The following PAPPA2 variants were observed in gnomAD, a reference collection of about 807,000 sequenced individuals.
PAPPA2 encodes pappalysin-2.
PAPPA2 carries 86 observed loss-of-function variants against 176.4 expected under a neutral mutation model. The ratio of observed to expected loss-of-function variants is 0.49; its 90% confidence interval spans 0.41 to 0.58. The LOEUF is 0.58. PAPPA2 is among the 20% of genes least tolerant of loss of function. The pLI, the probability that PAPPA2 is intolerant of heterozygous loss-of-function variation, is 0.00. For synonymous variants in PAPPA2, 809 were observed against 852.2 expected (o/e 0.95, Z 0.88); for missense variants, 2,073 against 2,256.9 (o/e 0.92, Z 1.65).
intron 2 of PAPPA2, among the ~76,000 whole-genome samples, chr1:176,572,915 G>C (rs572491476): frequency 1.2e-4 from 18 of 152,300 alleles, no homozygotes; most frequent in African/African-American, 4.1e-4. Context: ...TCTAAGGGTA[G>C]TATTAATTCT....
intron 17 of PAPPA2, among the ~76,000 whole-genome samples, chr1:176,782,743 A>G (rs1222580165): frequency 6.6e-6 from 1 of 152,190 alleles, no homozygotes; most frequent in East Asian, 1.9e-4. Context: ...TTCATTTTTC[A>G]TCCTAACAGA....
chr1:176,531,972 C>T (rs922227338), intron 1 of PAPPA2, among the ~76,000 whole-genome samples: 3 of 152,150 alleles, frequency 2.0e-5, no homozygotes, highest in African/African-American at 7.2e-5. Flanking sequence ...TAAGGGCTGC[C>T]TGGGGCTCAA....
At position 176,690,322 on chromosome 1, in the gene PAPPA2, G is replaced by T; in HGVS notation, c.2323G>T (p.Ala775Ser). 1 of 1,614,102 alleles carries T rather than the reference G, an allele frequency of 6.2e-7. No individual in the cohort carries two copies. The highest frequency in any genetic ancestry group is 1.1e-5 in the South Asian group (1 of 91,070). The change falls in exon 5 of 23, where the codon GCC (alanine) becomes TCC (serine). Residue 775 changes from alanine to serine, a missense_variant. Ala to Ser is a moderately conservative substitution (Grantham distance 99, BLOSUM62 1). Transcript: ENST00000367662. Reference sequence around the variant, plus strand: ...AACGGGAGACCTCTGTGCCGACACCGCCCCCACTCCCAAGAGTGAGCTGTG... The same window carrying T: ...AACGGGAGACCTCTGTGCCGACACCTCCCCCACTCCCAAGAGTGAGCTGTG... ...METGDLCADT[A>S]PTPKSELCRE...
In PAPPA2 at chr1:176,516,789, T is replaced by C. The variant is rs116785510; in HGVS notation, c.-916-38618T>C. Reference sequence around the variant, plus strand: ...AATTATCCAGTCTGTAGTAATTTGTTGGACCAGTGGGAATGCACTAAGACA... The same window carrying C: ...AATTATCCAGTCTGTAGTAATTTGTCGGACCAGTGGGAATGCACTAAGACA... On this transcript the variant is annotated intron_variant, in intron 1 of 22. Transcript: ENST00000367662. 4.4e-3 allele frequency among the ~76,000 whole-genome samples: 671 copies of C among 152,324 alleles called. 4 individuals carry two copies. Among genetic ancestry groups the C allele is most frequent in the African/African-American group, 0.015 (628 of 41,578 alleles).
chr1:176,471,449 A>G (rs1651867871), intron 1 of PAPPA2, among the ~76,000 whole-genome samples: 1 of 152,206 alleles, frequency 6.6e-6, no homozygotes, highest in Non-Finnish European at 1.5e-5. Context: ...TAAAACACAA[A>G]TATAGAAAAC....
chr1:176,575,845 T>C (rs1652610985), intron 2 of PAPPA2, among the ~76,000 whole-genome samples: 1 of 152,236 alleles, frequency 6.6e-6, no homozygotes, highest in South Asian at 2.1e-4. Flanking sequence ...CTTAGGAAAT[T>C]AACACCTATT....
intron 1 of PAPPA2, among the ~76,000 whole-genome samples, chr1:176,532,256 C>T (rs1649855357): frequency 6.6e-6 from 1 of 152,152 alleles, no homozygotes; most frequent in Admixed American, 6.5e-5. Flanking sequence ...AAGAGGTAAG[C>T]TTTTATGCCT....
At chr1:176,671,576 G>A (rs190587665) in intron 4 of PAPPA2, among the ~76,000 whole-genome samples, 128 of 152,220 alleles carry the variant, frequency 8.4e-4, no homozygotes, top group Non-Finnish European at 5.9e-5. Flanking sequence ...CCGGGGAAAA[G>A]AGTGGATACC....
At chr1:176,595,684 C>T (rs1319797543) in intron 3 of PAPPA2, 89 bp downstream of exon 3, 11 of 1,256,734 alleles carry the variant, frequency 8.8e-6, no homozygotes, top group African/African-American at 3.0e-5. Flanking sequence ...AATGTGTTCA[C>T]ACACTCCCTG....
intron 3 of PAPPA2, among the ~76,000 whole-genome samples, chr1:176,615,132 T>C (rs1221072610): frequency 6.6e-6 from 1 of 152,210 alleles, no homozygotes; most frequent in Non-Finnish European, 1.5e-5. Flanking sequence ...ATATGTTCTG[T>C]ACAAGACAAA....
chr1:176,668,370 C>A (rs1391170639), intron 3 of PAPPA2, among the ~76,000 whole-genome samples: 1 of 152,122 alleles, frequency 6.6e-6, no homozygotes, highest in Non-Finnish European at 1.5e-5. Context: ...TCAATGCATG[C>A]CCCTTTTGCG....
chr1:176,613,594 A>G (rs566702500), intron 3 of PAPPA2, among the ~76,000 whole-genome samples: 1 of 152,176 alleles, frequency 6.6e-6, no homozygotes, highest in Admixed American at 6.5e-5. Flanking sequence ...CCTCAAAACT[A>G]TCTTTTGAGG....
chr1:176,735,650 T>C (rs976738387), intron 12 of PAPPA2, among the ~76,000 whole-genome samples: 1 of 152,078 alleles, frequency 6.6e-6, no homozygotes, highest in African/African-American at 2.4e-5. Flanking sequence ...CAACTGAGTG[T>C]GTGAGACTGG....
In PAPPA2 at chr1:176,692,253, C is replaced by A. The variant is rs767298759; in HGVS notation, c.2559C>A (p.Ile853=). Residue 853 remains isoleucine, a synonymous_variant, in exon 6 of 23, where the codon ATC becomes ATA. Coordinates refer to ENST00000367662, the MANE Select transcript of PAPPA2 (RefSeq NM_020318.3). ...PTPIPIPPMV[I]GQTNKSLTIH... The stretch of plus-strand genomic sequence containing the variant: ...CCATCCCCATTCCACCTATGGTCAT[C>A]GGACAGACCAACAAGTCCCTCACTA... 6.2e-7 allele frequency: 1 copy of A among 1,614,050 alleles called. No individual in the cohort carries two copies. The highest frequency in any genetic ancestry group is 1.1e-5 in the South Asian group (1 of 91,074).
chr1:176,629,110 T>TC (rs1656196832), intron 3 of PAPPA2, among the ~76,000 whole-genome samples: 1 of 152,202 alleles, frequency 6.6e-6, no homozygotes, highest in Non-Finnish European at 1.5e-5. Flanking sequence ...ATATACAGTA[T>TC]CAGAGCCAGC....
chr1:176,492,521 G>T (rs1647347496), intron 1 of PAPPA2, among the ~76,000 whole-genome samples: 1 of 152,074 alleles, frequency 6.6e-6, no homozygotes, highest in African/African-American at 2.4e-5. Context: ...GCAACATAAA[G>T]GTGCTTCCAG....
chr1:176,715,657 T>G (rs1170484273), intron 12 of PAPPA2, among the ~76,000 whole-genome samples: 1 of 152,224 alleles, frequency 6.6e-6, no homozygotes, highest in Non-Finnish European at 1.5e-5. Context: ...CTTACCCCTG[T>G]GGGGATCACC....
At chr1:176,674,459 T>C (rs1312807527) in intron 4 of PAPPA2, among the ~76,000 whole-genome samples, 3 of 152,112 alleles carry the variant, frequency 2.0e-5, no homozygotes, top group Admixed American at 2.0e-4. Flanking sequence ...ATCATTCTTA[T>C]GTCTTTACAT....
intron 4 of PAPPA2, among the ~76,000 whole-genome samples, chr1:176,683,385 G>A (rs1243220253): frequency 6.6e-6 from 1 of 152,104 alleles, no homozygotes; most frequent in Non-Finnish European, 1.5e-5. Flanking sequence ...CTAAATCCTG[G>A]GAGCCCATTC....
Sources: gnomAD v4.1 joint callset for allele counts (sites outside exome capture counted in the v4.1 genomes callset) on GRCh38, gnomAD v4.1.1 for gene constraint, MANE v1.5 for transcripts, NCBI Gene and HGNC (gene_info 2026-07-23, HGNC 2026-07-21) for gene names.